The following MAST2 variants were observed in gnomAD, a reference collection of about 807,000 sequenced individuals.
MAST2 encodes the protein microtubule-associated serine/threonine-protein kinase 2.
Under a neutral mutation model 147.4 loss-of-function variants are expected in MAST2, and 70 were observed. That is an observed-to-expected ratio of 0.47 (90% CI 0.39 to 0.58). The LOEUF (loss-of-function observed/expected upper bound fraction) is 0.58. Ranked by LOEUF, MAST2 falls within the 20% of genes least tolerant of loss-of-function variation. The probability of loss-of-function intolerance (pLI) is 0.00; values close to 1 mark genes in which losing one functional copy is unlikely to be tolerated. For synonymous variants in MAST2, 869 were observed against 896.8 expected, an observed-to-expected ratio of 0.97 and a Z score of 0.55; for missense variants, 2,080 against 2,302.3, an observed-to-expected ratio of 0.90 and a Z score of 1.98.
chr1:45,830,887 T>G (rs1174678125), intron 3 of MAST2, among the ~76,000 whole-genome samples: 1 of 151,450 alleles, frequency 6.6e-6, no homozygotes, highest in Non-Finnish European at 1.5e-5. Context: ...AAAAAAAAAA[T>G]TAGCCGAGGA....
intron 9 of MAST2, among the ~76,000 whole-genome samples, chr1:46,010,440 A>G (rs1253791805): frequency 6.6e-6 from 1 of 152,228 alleles, no homozygotes; most frequent in Non-Finnish European, 1.5e-5. Context: ...GGAGGAAGAT[A>G]GCAAACACCT....
intron 4 of MAST2, among the ~76,000 whole-genome samples, chr1:45,920,105 A>G (rs919802459): frequency 2.0e-5 from 3 of 152,138 alleles, no homozygotes; most frequent in Non-Finnish European, 4.4e-5. Context: ...TTTGATGCCC[A>G]TGTATTGTGA....
intron 3 of MAST2, chr1:45,847,315 T>C (rs1645468799): frequency 4.0e-6 from 2 of 500,344 alleles, no homozygotes; most frequent in Admixed American, 2.3e-5. Context: ...TCCCTGATAC[T>C]GTTATGTAAC....
In MAST2 at chr1:45,940,076, C is replaced by G. The variant is rs774697442; in HGVS notation, c.501-19310C>G. ...TCGGCTCACTGCAGCATCCACACCA[C>G]CCCCACCCCGGGTTCAAGTGATTCT... On this transcript the variant is annotated intron_variant, in intron 4 of 28. Transcript: ENST00000361297. 2.8e-4 allele frequency among the ~76,000 whole-genome samples: 41 copies of G among 147,246 alleles called. 1 individual carries two copies. The Middle Eastern group carries it at 0.037, about 133-fold the overall frequency.
intron 2 of MAST2, among the ~76,000 whole-genome samples, chr1:45,825,642 AG>A (rs1644769414): frequency 6.7e-6 from 1 of 150,186 alleles, no homozygotes. Context: ...CATGTTGGCC[AG>A]GCTGCTCTTG....
At chr1:45,902,872 T>C (rs1198350159) in intron 4 of MAST2, among the ~76,000 whole-genome samples, 5 of 152,066 alleles carry the variant, frequency 3.3e-5, no homozygotes, top group Non-Finnish European at 7.4e-5. Context: ...ATCTTCTCTT[T>C]TCTTGGTTAA....
chr1:45,990,080 A>G (rs1203816694), intron 5 of MAST2, among the ~76,000 whole-genome samples: 1 of 152,224 alleles, frequency 6.6e-6, no homozygotes, highest in African/African-American at 2.4e-5. Context: ...TTTCAACCCA[A>G]GTAAGTAATT....
intron 3 of MAST2, among the ~76,000 whole-genome samples, chr1:45,863,549 G>GC (rs1265866668): frequency 6.6e-6 from 1 of 152,198 alleles, no homozygotes; most frequent in Non-Finnish European, 1.5e-5. Flanking sequence ...GCTATTTTCA[G>GC]CAGTGTGGCA....
At chr1:45,948,706 CAAAAAAAAAAAAAAAAA>C (rs34012353) in intron 4 of MAST2, among the ~76,000 whole-genome samples, 1 of 40,238 alleles carries the variant, frequency 2.5e-5, no homozygotes, top group Non-Finnish European at 4.0e-5. Flanking sequence ...GACTCCATCT[CAAAAAAAAAAAAAAAAA>C]AAAAAAAAAA....
chr1:45,817,165 C>T (rs1329675600), intron 1 of MAST2, among the ~76,000 whole-genome samples: 2 of 152,020 alleles, frequency 1.3e-5, no homozygotes, highest in Non-Finnish European at 2.9e-5. Context: ...GAAAGTTTAT[C>T]GAAATGAATA....
chr1:45,978,321 C>T (rs1644257274), intron 5 of MAST2, among the ~76,000 whole-genome samples: 1 of 152,228 alleles, frequency 6.6e-6, no homozygotes, highest in Non-Finnish European at 1.5e-5. Context: ...CAAGACCAGC[C>T]TGGCCAACAG....
chr1:45,934,670 G>A (rs1655917777), intron 4 of MAST2, among the ~76,000 whole-genome samples: 1 of 152,202 alleles, frequency 6.6e-6, no homozygotes, highest in Non-Finnish European at 1.5e-5. Flanking sequence ...TGATCCACCT[G>A]TCTTGGCCTA....
chr1:45,943,187 G>A (rs1657560715), intron 4 of MAST2, among the ~76,000 whole-genome samples: 1 of 152,214 alleles, frequency 6.6e-6, no homozygotes, highest in Non-Finnish European at 1.5e-5. Flanking sequence ...TAAAGTGTGT[G>A]CATGGTAGAT....
In MAST2 at chr1:45,812,514, G is replaced by A. The variant is rs61169182; in HGVS notation, c.177+8442G>A. On this transcript the variant is annotated intron_variant, in intron 1 of 28. Transcript: ENST00000361297. ...ACCATCTTGGCTCACTGCAACCTCCGCCTCCCAGGTTCAAGTGATTCTCCT... is the reference window on the plus strand; with the variant it reads ...ACCATCTTGGCTCACTGCAACCTCCACCTCCCAGGTTCAAGTGATTCTCCT... 6.3e-3 allele frequency among the ~76,000 whole-genome samples: 907 copies of A among 143,390 alleles called. 10 individuals are homozygous for A. The highest frequency in any genetic ancestry group is 0.022 in the African/African-American group (871 of 38,744). 94.1% of individuals were successfully genotyped at this position (143,390 alleles called of 152,430 possible).
In MAST2 at chr1:45,822,060, T is replaced by G. The variant is rs186426058; in HGVS notation, c.178-2373T>G. ...CGTGCCATCACGCCCAGCTAATTTT[T>G]GTATTTTTAGTAGAGATGGGGTTTT... On this transcript the variant is annotated intron_variant, in intron 1 of 28. Coordinates refer to ENST00000361297, the MANE Select transcript of MAST2 (RefSeq NM_015112.3). Among the ~76,000 whole-genome samples the G allele has an allele frequency of 1.2e-4, 18 of 151,878 alleles. No homozygotes were observed. In the East Asian group the frequency reaches 3.5e-3, roughly 29 times the overall value.
intron 4 of MAST2, among the ~76,000 whole-genome samples, chr1:45,890,247 A>G (rs1647524234): frequency 6.6e-6 from 1 of 152,208 alleles, no homozygotes; most frequent in African/African-American, 2.4e-5. Flanking sequence ...ATAAAGAACT[A>G]TTTGTCTGCC....
At chr1:45,911,190 C>G (rs1651600118) in intron 4 of MAST2, among the ~76,000 whole-genome samples, 1 of 152,128 alleles carries the variant, frequency 6.6e-6, no homozygotes, top group South Asian at 2.1e-4. Flanking sequence ...AAATGTTAGG[C>G]CTTCCTAGTC....
intron 3 of MAST2, among the ~76,000 whole-genome samples, chr1:45,870,028 A>C (rs1018054545): frequency 3.3e-5 from 5 of 152,102 alleles, no homozygotes; most frequent in African/African-American, 1.2e-4. Flanking sequence ...GGTTCAAGCG[A>C]TTCTCCAGCC....
At chr1:45,892,600 C>T (rs116020280) in intron 4 of MAST2, among the ~76,000 whole-genome samples, 239 of 152,228 alleles carry the variant, frequency 1.6e-3, no homozygotes, top group African/African-American at 5.1e-3. Context: ...CTATTGGAAG[C>T]CTGTCTATTC....
Sources: allele counts gnomAD v4.1 joint callset (sites outside exome capture counted in the v4.1 genomes callset), GRCh38; gene constraint gnomAD v4.1.1; transcripts MANE v1.5; gene names NCBI Gene and HGNC (gene_info 2026-07-23, HGNC 2026-07-21).